The following COL6A5 variants were observed in gnomAD, a reference collection of about 807,000 sequenced individuals.
COL6A5 encodes the protein collagen type VI alpha 5 chain.
In COL6A5, 48 loss-of-function variants were observed where a neutral mutation model predicts 65.6. That is an observed-to-expected ratio of 0.73 (90% CI 0.58 to 0.93). The LOEUF (loss-of-function observed/expected upper bound fraction) is 0.93, where lower values mean the gene tolerates loss of function less well. Among genes scored for constraint, COL6A5 ranks in the 40% least tolerant of loss-of-function variants. The probability of loss-of-function intolerance (pLI) is 0.00; values close to 1 mark genes in which losing one functional copy is unlikely to be tolerated. For missense variants in COL6A5, 914 were observed against 928.3 expected (o/e 0.98, Z 0.20); for synonymous variants, 291 against 322.8 (o/e 0.90, Z 1.05).
At chr3:130,355,717 A>G (rs997797820) in intron 1 of COL6A5, among the ~76,000 whole-genome samples, 1 of 152,082 alleles carries the variant, frequency 6.6e-6, no homozygotes, top group Non-Finnish European at 1.5e-5. Flanking sequence ...AATAAATTAA[A>G]CAAAACAAAT....
exon 20 of COL6A5, chr3:130,410,503 TC>T: frequency 6.4e-7 from 1 of 1,550,978 alleles, no homozygotes; most frequent in Non-Finnish European, 8.7e-7. Context: ...TGCAAGGCAG[TC>T]CTAGTTCCAG....
At chr3:130,422,738 G>A (rs1227009559) in exon 28 of COL6A5, 1 of 1,530,636 alleles carries the variant, frequency 6.5e-7, no homozygotes, top group Admixed American at 2.1e-5. Context: ...TGGTAATCCT[G>A]GAATTCCTGG....
chr3:130,351,609 A>G (rs1026260622), intron 1 of COL6A5, among the ~76,000 whole-genome samples: 3 of 152,240 alleles, frequency 2.0e-5, no homozygotes, highest in Admixed American at 2.0e-4. Context: ...ACAATGAGAT[A>G]CCATCTCACG....
At chr3:130,395,663 A>G (rs1175375167) in intron 8 of COL6A5, among the ~76,000 whole-genome samples, 198 bp downstream of exon 8, 1 of 152,294 alleles carries the variant, frequency 6.6e-6, no homozygotes, top group Non-Finnish European at 1.5e-5. Flanking sequence ...AAAGACATGG[A>G]AAGGGTGCAG....
intron 4 of COL6A5, among the ~76,000 whole-genome samples, 168 bp downstream of exon 36, chr3:130,443,734 AT>A (rs1709241790): frequency 6.6e-6 from 1 of 152,140 alleles, no homozygotes; most frequent in Non-Finnish European, 1.5e-5. Flanking sequence ...ATGATTTCCA[AT>A]TTGTTTTTAT....
At chr3:130,386,083 T>C (rs1936176387) in intron 5 of COL6A5, among the ~76,000 whole-genome samples, 1 of 152,014 alleles carries the variant, frequency 6.6e-6, no homozygotes, top group Non-Finnish European at 1.5e-5. Flanking sequence ...CTTACACCAC[T>C]TACTAGTTCA....
exon 7 of COL6A5, chr3:130,391,179 A>G (rs1242643599): frequency 1.2e-5 from 19 of 1,545,590 alleles, no homozygotes; most frequent in Non-Finnish European, 1.5e-5. Flanking sequence ...CTTCTTTCAG[A>G]TTGTAAAAGG....
chr3:130,452,478 T>G (rs1410138635), intron 4 of COL6A5, among the ~76,000 whole-genome samples: 1 of 152,116 alleles, frequency 6.6e-6, no homozygotes, highest in African/African-American at 2.4e-5. Context: ...GTAGGTTCCG[T>G]GATGCCCCAC....
At chr3:130,477,327 CATT>C in intron 7 of COL6A5, 1 of 395,144 alleles carries the variant, frequency 2.5e-6, no homozygotes, top group South Asian at 6.7e-5. Context: ...AATATAAATC[CATT>C]ATATCAAATT....
At chr3:130,385,296 T>C (rs1200156263) in exon 5 of COL6A5, 1 of 1,550,936 alleles carries the variant, frequency 6.4e-7, no homozygotes. Flanking sequence ...AGGGTTAGCT[T>C]TGGGCAGAAC....
At chr3:130,391,047 C>G in intron 6 of COL6A5, 132 bp from the exon 7 acceptor site, 1 of 690,958 alleles carries the variant, frequency 1.4e-6, no homozygotes, top group Non-Finnish European at 2.5e-6. Flanking sequence ...GCAGCCACCT[C>G]TAAGAACTAA....
exon 5 of COL6A5, chr3:130,385,050 C>T (rs1936135284): frequency 6.4e-7 from 1 of 1,550,838 alleles, no homozygotes; most frequent in African/African-American, 1.4e-5. Flanking sequence ...AAGCAACTAA[C>T]TGGTGGAACT....
intron 1 of COL6A5, among the ~76,000 whole-genome samples, chr3:130,432,674 G>A (rs994459207): frequency 1.3e-5 from 2 of 152,108 alleles, no homozygotes; most frequent in Non-Finnish European, 2.9e-5. Flanking sequence ...TGAACATGCT[G>A]CCCTGCCAGC....
Position 130,444,061 on chromosome 3 carries a change from G to GA in COL6A5, c.1332+500dup, listed in dbSNP as rs1224417992. Among the ~76,000 whole-genome samples the GA allele has an allele frequency of 2.6e-5, 4 of 152,252 alleles. No homozygotes were observed. In the East Asian group the frequency reaches 7.7e-4, roughly 29 times the overall value. On this transcript the variant is annotated intron_variant, in intron 4 of 7. Coordinates refer to ENST00000512836, the Ensembl canonical transcript of COL6A5. Reference sequence around the variant, plus strand: ...CTTTCTCAGGGATGTTCCTTGCTGAGAAAAAGAATTCAGCGATATTTCTCC... The same window carrying GA: ...CTTTCTCAGGGATGTTCCTTGCTGAGAAAAAAGAATTCAGCGATATTTCTCC...
chr3:130,347,187 ATTTCTCAGT>A (rs950797559), intron 1 of COL6A5, among the ~76,000 whole-genome samples: 10 of 152,252 alleles, frequency 6.6e-5, no homozygotes, highest in African/African-American at 2.4e-4. Context: ...ATTTGCAGAT[ATTTCTCAGT>A]TTTCCCTTTT....
At chr3:130,350,310 G>T (rs1934654725) in intron 1 of COL6A5, among the ~76,000 whole-genome samples, 2 of 152,026 alleles carry the variant, frequency 1.3e-5, no homozygotes, top group African/African-American at 4.8e-5. Context: ...TTCTAGCCAG[G>T]GCAATCAGGC....
At chr3:130,436,822 A>T (rs1229616146) in intron 1 of COL6A5, among the ~76,000 whole-genome samples, 1 of 152,068 alleles carries the variant, frequency 6.6e-6, no homozygotes, top group Non-Finnish European at 1.5e-5. Flanking sequence ...CCCAAAGCCC[A>T]TTCTTTAGCC....
intron 4 of COL6A5, among the ~76,000 whole-genome samples, chr3:130,452,151 G>A (rs1709458104): frequency 6.6e-6 from 1 of 152,138 alleles, no homozygotes. Flanking sequence ...ATGACCCATA[G>A]TTAACCCAGA....
At chr3:130,405,079 G>A (rs192627094) in intron 13 of COL6A5, among the ~76,000 whole-genome samples, 1 of 152,312 alleles carries the variant, frequency 6.6e-6, no homozygotes, top group East Asian at 1.9e-4. Flanking sequence ...GTCTGACTTT[G>A]GGGGTCTTTA....
Sources: allele counts gnomAD v4.1 joint callset (sites outside exome capture counted in the v4.1 genomes callset), GRCh38; gene constraint gnomAD v4.1.1; transcripts MANE v1.5; gene names NCBI Gene and HGNC (gene_info 2026-07-23, HGNC 2026-07-21).